Variants in KDM5A observed in about 807,000 individuals in gnomAD.
KDM5A encodes the protein lysine-specific demethylase 5A.
In KDM5A, 42 loss-of-function variants were observed where a neutral mutation model predicts 193.5. The ratio of observed to expected loss-of-function variants is 0.22; its 90% CI spans 0.17 to 0.28. KDM5A has a LOEUF of 0.28. KDM5A is among the 10% of genes least tolerant of loss of function. The pLI, the probability that KDM5A is intolerant of heterozygous loss-of-function variation, is 1.00. For missense variants in KDM5A, 1,692 were observed against 2,055.1 expected (o/e 0.82, Z 3.42); for synonymous variants, 796 against 718.1 (o/e 1.11, Z -1.73).
In KDM5A at chr12:310,961, A is replaced by G; in HGVS notation, c.3140T>C (p.Val1047Ala). Residue 1047 changes from valine to alanine, a missense_variant, in exon 21 of 28, where the codon GTA (valine) becomes GCA (alanine). Coordinates refer to ENST00000399788, the MANE Select transcript of KDM5A (RefSeq NM_001042603.3). ...TTCTCTCCATGCCCGTGCTGCTGCT[A>G]CCTGTGATTCCACTTGCGGCAGTGC... ...LEALPQVESQ[V>A]AAARAWRERT... 12 of 1,614,228 alleles carry G rather than the reference A, an allele frequency of 7.4e-6. No individual in the cohort carries two copies. The East Asian group carries it at 8.9e-5, about 12-fold the overall frequency.
rs765167576 is a variant in KDM5A at position 350,605 on chromosome 12, T to G, written c.1308+16A>C. ...AATCAGCTTGGGGGTAAGCAAAAGT[T>G]TGGATAAATCTGCACCTCTTCTTCT... On this transcript the variant is annotated intron_variant, in intron 10 of 27. Transcript: ENST00000399788. The G allele has an allele frequency of 6.2e-7, 1 of 1,613,864 alleles. No homozygotes were observed. The highest frequency in any genetic ancestry group is 8.5e-7 in the Non-Finnish European group (1 of 1,179,826).
chr12:329,341 G>C (rs1943834375), intron 13 of KDM5A, among the ~76,000 whole-genome samples: 1 of 152,004 alleles, frequency 6.6e-6, no homozygotes. Flanking sequence ...AACTCTTTTA[G>C]ACCAGTTTAA....
At chr12:292,228 T>G (rs1943304823) in intron 27 of KDM5A, among the ~76,000 whole-genome samples, 1 of 152,182 alleles carries the variant, frequency 6.6e-6, no homozygotes, top group Non-Finnish European at 1.5e-5. Context: ...TTTATAGGTT[T>G]GAATTATTTG....
intron 25 of KDM5A, among the ~76,000 whole-genome samples, chr12:296,554 C>A (rs535851529): frequency 6.6e-6 from 1 of 152,228 alleles, no homozygotes; most frequent in East Asian, 1.9e-4. Context: ...AAGAGATAAA[C>A]ACCCTCCATC....
At position 328,774 on chromosome 12, in the gene KDM5A, G is replaced by A. The variant is rs1267594066; in HGVS notation, c.1968+61C>T. The A allele has an allele frequency of 2.7e-6, 4 of 1,479,752 alleles. No homozygotes were observed. In the African/African-American group the frequency reaches 5.5e-5, roughly 20 times the overall value. 91.7% of individuals were successfully genotyped at this position (1,479,752 alleles called of 1,614,324 possible). On this transcript the variant is annotated intron_variant, in intron 14 of 27. Transcript: ENST00000399788. The stretch of plus-strand genomic sequence containing the variant: ...ATAAGGGATGAAAATTCTACCTATA[G>A]GTTTATTTAGCATATCCCATAAGCA...
At chr12:341,182 A>C (rs182079034) in intron 10 of KDM5A, among the ~76,000 whole-genome samples, 1 of 152,342 alleles carries the variant, frequency 6.6e-6, no homozygotes, top group Non-Finnish European at 1.5e-5. Flanking sequence ...TAAAAAATGA[A>C]GTCTCTCTCT....
chr12:332,295 C>T (rs1943875819), intron 12 of KDM5A, among the ~76,000 whole-genome samples: 1 of 152,146 alleles, frequency 6.6e-6, no homozygotes, highest in Admixed American at 6.5e-5. Context: ...TTTCCTACTA[C>T]TTTTGGATAA....
intron 13 of KDM5A, among the ~76,000 whole-genome samples, chr12:329,481 T>C (rs976084005): frequency 4.2e-4 from 63 of 151,534 alleles, no homozygotes; most frequent in African/African-American, 1.4e-3. Context: ...ACAGATGTTA[T>C]TAGAAGAAAA....
chr12:337,917 A>G (rs1943953989), intron 10 of KDM5A, among the ~76,000 whole-genome samples: 1 of 152,184 alleles, frequency 6.6e-6, no homozygotes, highest in African/African-American at 2.4e-5. Context: ...TGCTGAGATT[A>G]CAAGCATGAG....
rs2137365402 is a variant in KDM5A, at chr12:292,983, G to A, written c.4642C>T (p.Leu1548=). The change falls in exon 27 of 28, where the codon CTG becomes TTG. Residue 1548 remains leucine, a synonymous_variant. Transcript: ENST00000399788. ...GCTAGTTTCTTGGCCAGTTTATTCAGCTCCTTTGATTTGTCTGCACCTAAT... is the reference window on the plus strand; with the variant it reads ...GCTAGTTTCTTGGCCAGTTTATTCAACTCCTTTGATTTGTCTGCACCTAAT... ...LKLGADKSKE[L]NKLAKKLAKE... 3 of 1,610,362 alleles carry A rather than the reference G, an allele frequency of 1.9e-6. No homozygotes were observed. Among genetic ancestry groups the A allele is most frequent in the Non-Finnish European group, 2.5e-6 (3 of 1,179,450 alleles).
chr12:331,119 A>G (rs1423814300), intron 13 of KDM5A, among the ~76,000 whole-genome samples: 2 of 152,156 alleles, frequency 1.3e-5, no homozygotes, highest in Non-Finnish European at 2.9e-5. Context: ...AAGACTAGTA[A>G]AATCACCTAG....
rs752265773 is a variant in KDM5A at position 389,192 on chromosome 12, G to A, written c.-101C>T. 12 of 1,075,940 alleles carry A rather than the reference G, an allele frequency of 1.1e-5. No individual in the cohort carries two copies. The African/African-American group carries it at 1.4e-4, about 12-fold the overall frequency. 66.6% of individuals were successfully genotyped at this position (1,075,940 alleles called of 1,614,324 possible). ...TTCAAGTCCCCTGACAGAGGCCGAA[G>A]CGCATCTTCGCGGACAAGAACCGTT... On this transcript the variant is annotated 5_prime_UTR_variant, in exon 1 of 28. Transcript: ENST00000399788.
At chr12:298,883 C>G (rs1435710441) in intron 24 of KDM5A, among the ~76,000 whole-genome samples, 1 of 151,800 alleles carries the variant, frequency 6.6e-6, no homozygotes, top group Non-Finnish European at 1.5e-5. Context: ...AAAAACACAG[C>G]ACGAGAACTT....
intron 3 of KDM5A, among the ~76,000 whole-genome samples, chr12:369,647 T>C (rs750448605): frequency 3.3e-5 from 5 of 152,056 alleles, no homozygotes; most frequent in African/African-American, 9.7e-5. Context: ...CTAGCAGATA[T>C]AAAGGGAACA....
intron 10 of KDM5A, among the ~76,000 whole-genome samples, chr12:346,534 A>G (rs1479443724): frequency 6.6e-6 from 1 of 152,170 alleles, no homozygotes; most frequent in Admixed American, 6.5e-5. Flanking sequence ...GGCAAACCGA[A>G]TCCAGCAGCA....
At chr12:334,109 A>T in intron 11 of KDM5A, 132 bp downstream of exon 11, 1 of 814,704 alleles carries the variant, frequency 1.2e-6, no homozygotes, top group South Asian at 1.7e-5. Flanking sequence ...CCAAAGAAAT[A>T]GGCCAAGGCT....
chr12:329,033 A>G lies in KDM5A; in HGVS notation c.1774-4T>C. On this transcript the variant is annotated splice_region_variant and splice_polypyrimidine_tract_variant and intron_variant, in intron 13 of 27. Transcript: ENST00000399788. ...CACATTGACGTCCAATGGGCAACTG[A>G]AAATGAGATTTCCAAATTAAATAAC... 1 of 1,613,640 alleles carries G rather than the reference A, an allele frequency of 6.2e-7. No individual in the cohort carries two copies. The highest frequency in any genetic ancestry group is 8.5e-7 in the Non-Finnish European group (1 of 1,179,540).
chr12:293,246 C>A (rs1943323344), intron 26 of KDM5A, 77 bp from the exon 27 acceptor site: 3 of 1,211,818 alleles, frequency 2.5e-6, no homozygotes, highest in Non-Finnish European at 3.5e-6. Flanking sequence ...TATGAGGTAC[C>A]TAGAATAGAC....
chr12:297,333 T>C (rs1430407308), intron 24 of KDM5A, 133 bp from the exon 25 acceptor site: 3 of 791,698 alleles, frequency 3.8e-6, no homozygotes, highest in East Asian at 2.7e-5. Context: ...AAATATCTGA[T>C]GTTAAATAAG....
Sources: gnomAD v4.1 joint callset for allele counts (sites outside exome capture counted in the v4.1 genomes callset) on GRCh38, gnomAD v4.1.1 for gene constraint, MANE v1.5 for transcripts, NCBI Gene and HGNC (gene_info 2026-07-23, HGNC 2026-07-21) for gene names.